Variants in PRKN observed in about 807,000 individuals in gnomAD.
PRKN encodes the protein parkin RBR E3 ubiquitin protein ligase, also known as E3 ubiquitin-protein ligase parkin.
In PRKN, 56 loss-of-function variants were observed where a neutral mutation model predicts 59.5. That is an observed-to-expected ratio of 0.94 (90% CI 0.76 to 1.18). The LOEUF (loss-of-function observed/expected upper bound fraction) is 1.18. PRKN is among the 50% of genes most tolerant of loss of function. PRKN has a pLI of 0.00. For synonymous variants in PRKN, 250 were observed against 222.1 expected (o/e 1.13, Z -1.12); for missense variants, 657 against 596.4 (o/e 1.10, Z -1.06).
intron 6 of PRKN, among the ~76,000 whole-genome samples, chr6:161,963,975 A>G (rs767224248): frequency 2.6e-5 from 4 of 151,000 alleles, no homozygotes; most frequent in Non-Finnish European, 5.9e-5. Flanking sequence ...ACACAGGACA[A>G]CAGCGAGTTC....
intron 6 of PRKN, among the ~76,000 whole-genome samples, chr6:161,911,284 C>T (rs1010527919): frequency 2.0e-5 from 3 of 152,132 alleles, no homozygotes; most frequent in Non-Finnish European, 2.9e-5. Flanking sequence ...TTGTCACAGT[C>T]GCTCCCCTTT....
At chr6:162,574,460 G>A (rs1465527380) in intron 1 of PRKN, among the ~76,000 whole-genome samples, 3 of 152,194 alleles carry the variant, frequency 2.0e-5, no homozygotes, top group Admixed American at 6.5e-5. Context: ...TCTTTTTAAC[G>A]TCTCTTTCAT....
chr6:161,846,610 A>G (rs896976716), intron 6 of PRKN, among the ~76,000 whole-genome samples: 11 of 141,068 alleles, frequency 7.8e-5, no homozygotes, highest in African/African-American at 1.3e-4. Flanking sequence ...TTATTCTGTT[A>G]CCATATGCTC....
chr6:161,426,477 C>T (rs1462680212), intron 9 of PRKN, among the ~76,000 whole-genome samples: 1 of 152,062 alleles, frequency 6.6e-6, no homozygotes, highest in Non-Finnish European at 1.5e-5. Context: ...CCTAGCCTCC[C>T]AGCCTACATC....
intron 7 of PRKN, among the ~76,000 whole-genome samples, chr6:161,595,391 G>T (rs1385601556): frequency 6.6e-6 from 1 of 152,118 alleles, no homozygotes; most frequent in Non-Finnish European, 1.5e-5. Flanking sequence ...TCAAGCTCAA[G>T]AAAAGTATGA....
At chr6:162,620,365 T>A (rs560940721) in intron 1 of PRKN, among the ~76,000 whole-genome samples, 4 of 152,150 alleles carry the variant, frequency 2.6e-5, no homozygotes, top group Non-Finnish European at 5.9e-5. Context: ...ATTTTTTTTC[T>A]AACATCAAGA....
intron 6 of PRKN, among the ~76,000 whole-genome samples, chr6:161,956,972 C>T (rs78106982): frequency 0.086 from 13,023 of 152,198 alleles, 1,659 homozygotes; most frequent in African/African-American, 0.28. Flanking sequence ...ATCCTGTACA[C>T]GTGTGCAGGT....
intron 7 of PRKN, among the ~76,000 whole-genome samples, chr6:161,638,862 C>T (rs1419955946): frequency 2.6e-5 from 4 of 151,498 alleles, no homozygotes; most frequent in Non-Finnish European, 5.9e-5. Context: ...CTGCCTCAGC[C>T]TCCTGAGAAG....
In PRKN at chr6:161,388,632, A is replaced by C. The variant is rs1249453859; in HGVS notation, c.1084-1755T>G. 2.0e-5 allele frequency among the ~76,000 whole-genome samples: 3 copies of C among 152,040 alleles called. No homozygotes were observed. Among genetic ancestry groups the C allele is most frequent in the Non-Finnish European group, 4.4e-5 (3 of 68,010 alleles). On this transcript the variant is annotated intron_variant, in intron 9 of 11. Coordinates refer to ENST00000366898, the MANE Select transcript of PRKN (RefSeq NM_004562.3). This position sits in a 1 kb window ranked among gnomAD's most constrained non-coding sequence, Gnocchi z 4.3. ...GACAGCCAGATGTGTTGAGTACTTGACTCCTAGAATATGGTAGAAATGATG... is the reference window on the plus strand; with the variant it reads ...GACAGCCAGATGTGTTGAGTACTTGCCTCCTAGAATATGGTAGAAATGATG...
chr6:162,275,654 G>A (rs913962076), intron 2 of PRKN, among the ~76,000 whole-genome samples: 14 of 151,782 alleles, frequency 9.2e-5, no homozygotes, highest in African/African-American at 2.9e-4. Context: ...GCGTGGTGGC[G>A]GATGCCTGCA....
chr6:161,905,062 C>G (rs577544130), intron 6 of PRKN, among the ~76,000 whole-genome samples: 29 of 152,118 alleles, frequency 1.9e-4, no homozygotes, highest in Non-Finnish European at 5.9e-5. Flanking sequence ...ATATCCACCA[C>G]GTAAAATAAA....
At chr6:161,594,169 A>G (rs1488428620) in intron 7 of PRKN, among the ~76,000 whole-genome samples, 15 of 152,114 alleles carry the variant, frequency 9.9e-5, no homozygotes, top group Admixed American at 9.8e-4. Context: ...TCTCAAAAAA[A>G]CAAACAAAAA....
At chr6:161,930,596 G>A (rs112423633) in intron 6 of PRKN, among the ~76,000 whole-genome samples, 13 of 152,288 alleles carry the variant, frequency 8.5e-5, no homozygotes, top group African/African-American at 2.9e-4. Flanking sequence ...GAATAATCCT[G>A]ACACTGAATC....
At chr6:162,393,159 T>A (rs1787296347) in intron 2 of PRKN, among the ~76,000 whole-genome samples, 1 of 128,824 alleles carries the variant, frequency 7.8e-6, no homozygotes. Flanking sequence ...GAGATTCTTT[T>A]TTTTTTTTTT....
chr6:161,349,166 C>T lies in PRKN; in HGVS notation c.*933G>A, dbSNP rs1784428916. The T allele has an allele frequency of 4.5e-6, 1 of 221,636 alleles. No individual in the cohort carries two copies. The highest frequency in any genetic ancestry group is 9.0e-6 in the Non-Finnish European group (1 of 110,952). The allele number at this position is 221,636 out of a possible 1,614,324, so 13.7% of individuals were successfully genotyped here. A position where few individuals can be genotyped will look rare whatever the true frequency, so the allele number is the denominator to read the frequency against. On this transcript the variant is annotated 3_prime_UTR_variant, in exon 12 of 12. Transcript: ENST00000366898. The surrounding 1 kb of genome is among the most constrained non-coding windows in gnomAD (Gnocchi z 5.5). ...GTTCACTTTTGTTAAGATTGAATATCATTTTGAAATCATTTCTAAACGTGT... is the reference window on the plus strand; with the variant it reads ...GTTCACTTTTGTTAAGATTGAATATTATTTTGAAATCATTTCTAAACGTGT...
At chr6:161,733,599 A>T (rs1191116385) in intron 7 of PRKN, among the ~76,000 whole-genome samples, 1 of 151,938 alleles carries the variant, frequency 6.6e-6, no homozygotes, top group Non-Finnish European at 1.5e-5. Context: ...TGCCCAGAAT[A>T]TAAGACTCGA....
chr6:162,313,512 A>G (rs1226191432), intron 2 of PRKN, among the ~76,000 whole-genome samples: 2 of 151,894 alleles, frequency 1.3e-5, no homozygotes, highest in African/African-American at 4.8e-5. Flanking sequence ...TTTGAAATGT[A>G]GTTTTGCTCT....
chr6:162,173,822 G>A lies in PRKN; in HGVS notation c.534+27309C>T, dbSNP rs1562558617. On this transcript the variant is annotated intron_variant, in intron 4 of 11. Transcript: ENST00000366898. ...ATGGAATTGCAATATTACTTTATAG[G>A]GTTATTGTGAGGAATAAATAAGATA... Among the ~76,000 whole-genome samples the A allele has an allele frequency of 2.6e-5, 4 of 152,226 alleles. No individual in the cohort carries two copies. In the East Asian group the frequency reaches 7.7e-4, roughly 29 times the overall value.
chr6:162,724,544 C>T (rs1213915591), intron 1 of PRKN, among the ~76,000 whole-genome samples: 1 of 152,028 alleles, frequency 6.6e-6, no homozygotes, highest in Non-Finnish European at 1.5e-5. Flanking sequence ...AATAAAGTGG[C>T]AGAATATTAT....
Sources: gnomAD v4.1 joint callset for allele counts (sites outside exome capture counted in the v4.1 genomes callset) on GRCh38, gnomAD v4.1.1 for gene constraint, Gnocchi (gnomAD v3.1) non-coding constraint, MANE v1.5 for transcripts, NCBI Gene and HGNC (gene_info 2026-07-23, HGNC 2026-07-21) for gene names.